Variants in STPG2 observed in about 807,000 individuals in gnomAD.
STPG2 encodes the protein sperm-tail PG-rich repeat-containing protein 2.
In STPG2, 56 loss-of-function variants were observed where a neutral mutation model predicts 54.2. The observed-to-expected ratio is 1.03, with a 90% confidence interval of 0.83 to 1.29. STPG2 has a LOEUF of 1.29. STPG2 is among the 50% of genes most tolerant of loss of function. The pLI is 0.00. For synonymous variants in STPG2, 200 were observed against 181.8 expected (o/e 1.10, Z -0.81); for missense variants, 596 against 544.9 (o/e 1.09, Z -0.93).
At position 97,974,772 on chromosome 4, in the gene STPG2, C is replaced by A. The variant is rs551444380; in HGVS notation, c.773-2332G>T. ...CATGTGGAACTGTAAGTCCATTAAACCTCTTTCTTTTGTAAATTGCCCAGT... is the reference window on the plus strand; with the variant it reads ...CATGTGGAACTGTAAGTCCATTAAAACTCTTTCTTTTGTAAATTGCCCAGT... On this transcript the variant is annotated intron_variant, in intron 6 of 10. Coordinates refer to ENST00000295268, the MANE Select transcript of STPG2 (RefSeq NM_174952.3). Among the ~76,000 whole-genome samples the A allele has an allele frequency of 2.6e-5, 4 of 152,290 alleles. No individual in the cohort carries two copies. The South Asian group carries it at 8.3e-4, about 32-fold the overall frequency.
intron 4 of STPG2, among the ~76,000 whole-genome samples, chr4:97,523,330 G>A (rs1213068009): frequency 6.6e-6 from 1 of 151,824 alleles, no homozygotes; most frequent in Non-Finnish European, 1.5e-5. Flanking sequence ...TATAAAAAGA[G>A]AGGTCATATC....
In STPG2 at chr4:98,106,028, C is replaced by G; in HGVS notation, c.537G>C (p.Lys179Asn). 6.6e-7 allele frequency: 1 copy of G among 1,522,016 alleles called. No individual in the cohort carries two copies. The highest frequency in any genetic ancestry group is 2.3e-5 in the East Asian group (1 of 42,790). 94.3% of individuals were successfully genotyped at this position (1,522,016 alleles called of 1,614,324 possible). ...KTSYYENVNIKRDQQQNYCSF... is the reference protein window; with the variant it reads ...KTSYYENVNINRDQQQNYCSF... ...AACAATAATTTTGTTGTTGATCTCT[C>G]TTGATGTTAACATTTTCATAATATG... Residue 179 changes from lysine to asparagine, a missense_variant, in exon 5 of 11, where the codon AAG (lysine) becomes AAC (asparagine). Coordinates refer to ENST00000295268, the MANE Select transcript of STPG2 (RefSeq NM_174952.3).
chr4:97,963,201 T>G (rs1306286498), intron 7 of STPG2, among the ~76,000 whole-genome samples: 1 of 151,350 alleles, frequency 6.6e-6, no homozygotes, highest in African/African-American at 2.4e-5. Context: ...ACAATAATTA[T>G]TTTTATCTAA....
At chr4:97,855,854 A>C (rs1432152933) in intron 8 of STPG2, among the ~76,000 whole-genome samples, 1 of 152,104 alleles carries the variant, frequency 6.6e-6, no homozygotes, top group Admixed American at 6.6e-5. Flanking sequence ...ATGATGTAAG[A>C]AAAAGGTCCT....
intron 9 of STPG2, among the ~76,000 whole-genome samples, chr4:97,773,686 A>T (rs1236784619): frequency 6.6e-6 from 1 of 152,202 alleles, no homozygotes; most frequent in Admixed American, 6.5e-5. Flanking sequence ...CTGTATTTAT[A>T]CTTTGAAAAG....
intron 9 of STPG2, among the ~76,000 whole-genome samples, chr4:97,773,310 T>A (rs1056859979): frequency 6.6e-6 from 1 of 152,070 alleles, no homozygotes; most frequent in African/African-American, 2.4e-5. Flanking sequence ...AATTACTGTA[T>A]AATTTATTAT....
chr4:97,842,497 G>T (rs1474712069), intron 8 of STPG2, among the ~76,000 whole-genome samples: 2 of 151,848 alleles, frequency 1.3e-5, no homozygotes, highest in Non-Finnish European at 2.9e-5. Flanking sequence ...GATCTTGATT[G>T]TGCCTACTAT....
chr4:97,729,847 T>G (rs1011270221), intron 9 of STPG2, among the ~76,000 whole-genome samples: 1 of 151,348 alleles, frequency 6.6e-6, no homozygotes, highest in Non-Finnish European at 1.5e-5. Flanking sequence ...CCTGCTATTG[T>G]AAATGGGATT....
chr4:97,880,492 A>G (rs11732209), intron 8 of STPG2, among the ~76,000 whole-genome samples: 37,318 of 152,082 alleles, frequency 0.25, 5,333 homozygotes, highest in Middle Eastern at 0.36. Context: ...ACCCTTGAGA[A>G]GGGTATCAGA....
rs114241145 is a variant in STPG2, at chr4:98,074,369, G to A, written c.612+31584C>T. On this transcript the variant is annotated intron_variant, in intron 5 of 10. Coordinates refer to ENST00000295268, the MANE Select transcript of STPG2 (RefSeq NM_174952.3). ...TTTTTAAGAATTCCTTTTTGTATTT[G>A]GTTTTTAGCAATTTTAATATGTTGT... Among the ~76,000 whole-genome samples the A allele has an allele frequency of 3.3e-3, 498 of 152,084 alleles. 2 individuals are homozygous for A. The highest frequency in any genetic ancestry group is 0.011 in the African/African-American group (474 of 41,528).
chr4:97,443,240 C>T (rs1445069146), intron 4 of STPG2, among the ~76,000 whole-genome samples: 1 of 152,136 alleles, frequency 6.6e-6, no homozygotes, highest in East Asian at 1.9e-4. Context: ...ACCAAGAAGA[C>T]AGCCACAAGG....
intron 4 of STPG2, among the ~76,000 whole-genome samples, chr4:97,539,487 A>T (rs1328726271): frequency 6.6e-6 from 1 of 152,240 alleles, no homozygotes; most frequent in African/African-American, 2.4e-5. Context: ...CAACAAGAAG[A>T]TCTAACTATC....
At chr4:97,677,923 G>A (rs997412469) in intron 10 of STPG2, among the ~76,000 whole-genome samples, 2 of 152,066 alleles carry the variant, frequency 1.3e-5, no homozygotes, top group Admixed American at 1.3e-4. Flanking sequence ...TTCAAGATTA[G>A]GAGATTGTTG....
chr4:97,564,642 C>T (rs951604413), intron 10 of STPG2, among the ~76,000 whole-genome samples: 19 of 152,146 alleles, frequency 1.2e-4, no homozygotes, highest in Non-Finnish European at 2.5e-4. Flanking sequence ...GTGACAAAAT[C>T]TCTCAGTGTT....
At chr4:98,098,278 C>G (rs4699600) in intron 5 of STPG2, among the ~76,000 whole-genome samples, 60,149 of 151,838 alleles carry the variant, frequency 0.4, 12,147 homozygotes, top group Middle Eastern at 0.46. Context: ...CAGACATGTA[C>G]ACTAACGAAA....
In STPG2 at chr4:97,708,862, T is replaced by G. The variant is rs1724030873; in HGVS notation, c.1320+3837A>C. Among the ~76,000 whole-genome samples the G allele has an allele frequency of 2.0e-5, 3 of 151,848 alleles. No homozygotes were observed. In the South Asian group the frequency reaches 6.2e-4, roughly 31 times the overall value. ...ACCCAGAATGAGGGTTTTAGACAAG[T>G]GGGTAATCTGCTAACAAAAGGATTT... On this transcript the variant is annotated intron_variant, in intron 10 of 10. Coordinates refer to ENST00000295268, the MANE Select transcript of STPG2 (RefSeq NM_174952.3).
intron 8 of STPG2, among the ~76,000 whole-genome samples, chr4:97,890,364 T>A (rs556968820): frequency 6.4e-4 from 97 of 152,152 alleles, no homozygotes; most frequent in Middle Eastern, 3.4e-3. Flanking sequence ...AAATTTTTTT[T>A]AAATTATTTT....
chr4:97,768,935 T>C (rs1232697127), intron 9 of STPG2, among the ~76,000 whole-genome samples: 2 of 151,976 alleles, frequency 1.3e-5, no homozygotes, highest in Non-Finnish European at 2.9e-5. Context: ...GGTGGTCTCT[T>C]ACCAGGCAAA....
At position 97,906,954 on chromosome 4, in the gene STPG2, C is replaced by T. The variant is rs1172415023; in HGVS notation, c.1044+36943G>A. On this transcript the variant is annotated intron_variant, in intron 8 of 10. Coordinates refer to ENST00000295268, the MANE Select transcript of STPG2 (RefSeq NM_174952.3). ...TGGAAGCATTCCCTTTGAAAACTGG[C>T]ACAAGACAGGGATGCCCTCTCTCAC... 5.3e-5 allele frequency among the ~76,000 whole-genome samples: 8 copies of T among 150,606 alleles called. No homozygotes were observed. The South Asian group carries it at 1.0e-3, about 20-fold the overall frequency.
Sources: allele counts gnomAD v4.1 joint callset (sites outside exome capture counted in the v4.1 genomes callset), GRCh38; gene constraint gnomAD v4.1.1; transcripts MANE v1.5; gene names NCBI Gene and HGNC (gene_info 2026-07-23, HGNC 2026-07-21).